The following CEP170 variants were observed in gnomAD, a reference collection of about 807,000 sequenced individuals.
CEP170 encodes centrosomal protein of 170 kDa.
A neutral mutation model predicts 151.9 loss-of-function variants in CEP170; 21 were observed. The ratio of observed to expected loss-of-function variants is 0.14; its 90% CI spans 0.10 to 0.20. The LOEUF is 0.20. Among genes scored for constraint, CEP170 ranks in the 10% least tolerant of loss-of-function variants. The pLI, the probability that CEP170 is intolerant of heterozygous loss-of-function variation, is 1.00. For missense variants in CEP170, 964 were observed against 1,892.9 expected, an observed-to-expected ratio of 0.51 and a Z score of 9.11; for synonymous variants, 356 against 648.8, an observed-to-expected ratio of 0.55 and a Z score of 6.86.
chr1:243,220,467 C>G (rs959343647), intron 3 of CEP170, among the ~76,000 whole-genome samples: 1 of 151,676 alleles, frequency 6.6e-6, no homozygotes, highest in African/African-American at 2.4e-5. Context: ...ATAAAACCAA[C>G]AGGAAAACAT....
chr1:243,213,615 T>C (rs1411190708), intron 3 of CEP170, among the ~76,000 whole-genome samples: 1 of 151,928 alleles, frequency 6.6e-6, no homozygotes, highest in East Asian at 1.9e-4. Context: ...AATGTGTCCA[T>C]GAAAAAAAAA....
At chr1:243,221,589 T>C (rs1215517859) in intron 3 of CEP170, 135 bp downstream of exon 3, 2 of 827,882 alleles carry the variant, frequency 2.4e-6, no homozygotes, top group Non-Finnish European at 3.7e-6. Context: ...CAAAGTGCTA[T>C]GTACCTGATA....
intron 1 of CEP170, among the ~76,000 whole-genome samples, chr1:243,248,857 C>T (rs2065665666): frequency 2.0e-5 from 3 of 152,142 alleles, no homozygotes. Context: ...CCTATAAGCA[C>T]CTTTTCCTCA....
intron 1 of CEP170, among the ~76,000 whole-genome samples, chr1:243,234,347 G>A (rs1403971580): frequency 6.6e-6 from 1 of 152,208 alleles, no homozygotes; most frequent in East Asian, 1.9e-4. Flanking sequence ...ATGAAAGGGT[G>A]ACAATATTCT....
chr1:243,133,087 C>T (rs1424789913), intron 17 of CEP170, among the ~76,000 whole-genome samples: 1 of 152,254 alleles, frequency 6.6e-6, no homozygotes, highest in Non-Finnish European at 1.5e-5. Context: ...TGTCATCTCT[C>T]ACCATACTCT....
intron 17 of CEP170, among the ~76,000 whole-genome samples, chr1:243,130,330 T>C (rs1258380374): frequency 2.0e-5 from 3 of 152,326 alleles, no homozygotes; most frequent in East Asian, 1.9e-4. Context: ...TCTTTAACAA[T>C]TGTTAATTCG....
chr1:243,126,246 T>C lies in CEP170; in HGVS notation c.*203A>G. On this transcript the variant is annotated 3_prime_UTR_variant, in exon 20 of 20. Coordinates refer to ENST00000366542, the MANE Select transcript of CEP170 (RefSeq NM_014812.3). ...CTGCCACAATCTGCTTTTTCCTATT[T>C]GTGCATCAAGTGGTTATCTAAATAG... 2.9e-6 allele frequency: 2 copies of C among 688,616 alleles called. No homozygotes were observed. Among genetic ancestry groups the C allele is most frequent in the Non-Finnish European group, 2.7e-6 (1 of 375,200 alleles). The allele number at this position is 688,616 out of a possible 1,614,324, so 42.7% of individuals were successfully genotyped here.
intron 8 of CEP170, 49 bp downstream of exon 8, chr1:243,190,969 A>G (rs1450179225): frequency 6.8e-7 from 1 of 1,467,548 alleles, no homozygotes; most frequent in South Asian, 1.5e-5. Context: ...TGAAGACCAG[A>G]TTTTCTTTAT....
intron 2 of CEP170, among the ~76,000 whole-genome samples, chr1:243,223,079 C>A (rs989699289): frequency 6.6e-6 from 1 of 152,154 alleles, no homozygotes; most frequent in Non-Finnish European, 1.5e-5. Context: ...GAAGCAACAA[C>A]GCACCACTCA....
At chr1:243,203,059 A>G (rs1344371942) in intron 4 of CEP170, among the ~76,000 whole-genome samples, 2 of 152,154 alleles carry the variant, frequency 1.3e-5, no homozygotes, top group Non-Finnish European at 2.9e-5. Flanking sequence ...GGAAACGAAG[A>G]AGACCTCAAG....
At chr1:243,168,480 A>G (rs1309408448) in intron 12 of CEP170, 4 of 151,992 alleles carry the variant, frequency 2.6e-5, no homozygotes, top group Admixed American at 1.3e-4. Flanking sequence ...TTATATTTGT[A>G]TATGTTTATG....
At chr1:243,168,792 A>AACT (rs2058624606) in intron 12 of CEP170, among the ~76,000 whole-genome samples, 2 of 151,876 alleles carry the variant, frequency 1.3e-5, no homozygotes. Context: ...GAAGGTACAC[A>AACT]ACTTCATTTT....
chr1:243,217,469 C>T (rs2062402629), intron 3 of CEP170, among the ~76,000 whole-genome samples: 1 of 152,178 alleles, frequency 6.6e-6, no homozygotes, highest in South Asian at 2.1e-4. Flanking sequence ...AAATATTAAG[C>T]ACCTGTTGTG....
chr1:243,151,071 C>T (rs1011767036), intron 14 of CEP170, among the ~76,000 whole-genome samples: 2 of 152,154 alleles, frequency 1.3e-5, no homozygotes, highest in Non-Finnish European at 1.5e-5. Context: ...GTGGTGATAC[C>T]ATCTACTACA....
At chr1:243,233,406 C>G (rs1314495779) in intron 1 of CEP170, among the ~76,000 whole-genome samples, 2 of 40,880 alleles carry the variant, frequency 4.9e-5, no homozygotes, top group South Asian at 2.1e-3. Flanking sequence ...CTTCACTACA[C>G]AGGTTTAAAA....
intron 16 of CEP170, among the ~76,000 whole-genome samples, chr1:243,138,906 G>A (rs2343923): frequency 3.1e-4 from 47 of 152,018 alleles, no homozygotes; most frequent in Admixed American, 5.9e-4. Context: ...CCAGAGCTGC[G>A]GCACCAACTT....
intron 2 of CEP170, among the ~76,000 whole-genome samples, chr1:243,223,978 G>A (rs909691254): frequency 6.6e-6 from 1 of 152,132 alleles, no homozygotes; most frequent in African/African-American, 2.4e-5. Flanking sequence ...AATACATCTA[G>A]TGACCGAGTC....
Position 243,211,984 on chromosome 1 carries a change from G to A in CEP170, c.196-20C>T, listed in dbSNP as rs763394090. On this transcript the variant is annotated intron_variant, in intron 3 of 19. Coordinates refer to ENST00000366542, the MANE Select transcript of CEP170 (RefSeq NM_014812.3). ...AAAAGTCTACAAGGAAACAAAAAAA[G>A]ATGTTAGGTTACGTATGAGGTATTA... 6.8e-7 allele frequency: 1 copy of A among 1,475,746 alleles called. No homozygotes were observed. Among genetic ancestry groups the A allele is most frequent in the Admixed American group, 2.7e-5 (1 of 37,704 alleles). The allele number at this position is 1,475,746 out of a possible 1,614,324, so 91.4% of individuals were successfully genotyped here.
chr1:243,208,497 A>C (rs2061565139), intron 4 of CEP170, among the ~76,000 whole-genome samples: 1 of 152,044 alleles, frequency 6.6e-6, no homozygotes, highest in African/African-American at 2.4e-5. Flanking sequence ...TGCTGGCTCC[A>C]ACCACACTGG....
Sources: allele counts gnomAD v4.1 joint callset (sites outside exome capture counted in the v4.1 genomes callset), GRCh38; gene constraint gnomAD v4.1.1; transcripts MANE v1.5; gene names NCBI Gene and HGNC (gene_info 2026-07-23, HGNC 2026-07-21).